The following TBL1X variants were observed in gnomAD, a reference collection of about 807,000 sequenced individuals.
TBL1X encodes the protein F-box-like/WD repeat-containing protein TBL1X.
A neutral mutation model predicts 50.7 loss-of-function variants in TBL1X; 10 were observed. The ratio of observed to expected loss-of-function variants is 0.20; its 90% CI spans 0.12 to 0.33. The LOEUF (loss-of-function observed/expected upper bound fraction) is 0.33. Ranked by LOEUF, TBL1X falls within the 10% of genes least tolerant of loss-of-function variation. The probability of loss-of-function intolerance (pLI) is 1.00; values close to 1 mark genes in which losing one functional copy is unlikely to be tolerated. For synonymous variants in TBL1X, 190 were observed against 214.7 expected (o/e 0.88, Z 1.01); for missense variants, 340 against 504.4 (o/e 0.67, Z 3.12).
At chrX:9,658,891 A>G (rs2082880369) in intron 5 of TBL1X, among the ~76,000 whole-genome samples, 2 of 111,846 alleles carry the variant, frequency 1.8e-5, no homozygotes, top group Admixed American at 9.4e-5. Context: ...TGCAGCCTCT[A>G]CCTCCCAAGC....
At chrX:9,541,933 T>C (rs2082216873) in intron 2 of TBL1X, among the ~76,000 whole-genome samples, 1 of 108,275 alleles carries the variant, frequency 9.2e-6, no homozygotes, top group Admixed American at 9.7e-5. Flanking sequence ...CTTTTTTCTT[T>C]TCTTTTTTCT....
intron 5 of TBL1X, among the ~76,000 whole-genome samples, chrX:9,666,915 T>C (rs2146612379): frequency 8.9e-6 from 1 of 112,304 alleles, no homozygotes; most frequent in East Asian, 2.8e-4. Flanking sequence ...TAAAATGTTA[T>C]AAGAAGGTAT....
At chrX:9,504,106 C>T (rs1282401968) in intron 2 of TBL1X, among the ~76,000 whole-genome samples, 1 of 111,429 alleles carries the variant, frequency 9.0e-6, no homozygotes, top group East Asian at 2.8e-4. Context: ...TTGCTGCTCT[C>T]CAGCATCCTT....
intron 2 of TBL1X, among the ~76,000 whole-genome samples, chrX:9,541,063 C>T (rs1056151119): frequency 9.0e-6 from 1 of 111,634 alleles, no homozygotes; most frequent in Non-Finnish European, 1.9e-5. Context: ...AAGGAGCCTG[C>T]AAATCAGACA....
At chrX:9,570,387 G>A (rs904232963) in intron 2 of TBL1X, among the ~76,000 whole-genome samples, 2 of 111,591 alleles carry the variant, frequency 1.8e-5, no homozygotes, top group South Asian at 3.8e-4. Flanking sequence ...TGGGGAGCGC[G>A]TACCCTCTTC....
intron 2 of TBL1X, among the ~76,000 whole-genome samples, chrX:9,599,132 C>T (rs913689616): frequency 5.5e-5 from 6 of 109,546 alleles, no homozygotes; most frequent in African/African-American, 1.0e-4. Flanking sequence ...TTAGTAGAGA[C>T]GGGGTTTCAC....
intron 2 of TBL1X, chrX:9,530,850 C>A (rs751404060): frequency 2.7e-5 from 3 of 111,768 alleles, no homozygotes; most frequent in African/African-American, 9.8e-5. Flanking sequence ...TTCCTCCCTC[C>A]CTCCATTACA....
chrX:9,474,754 G>A (rs1244008527), intron 1 of TBL1X, among the ~76,000 whole-genome samples: 2 of 112,888 alleles, frequency 1.8e-5, no homozygotes, highest in Non-Finnish European at 3.7e-5. Flanking sequence ...TCAGGGCTCT[G>A]GAGAATTAGG....
chrX:9,548,042 A>G (rs1450142320), intron 2 of TBL1X, among the ~76,000 whole-genome samples: 1 of 106,891 alleles, frequency 9.4e-6, no homozygotes, highest in East Asian at 2.9e-4. Flanking sequence ...CACCACCGCT[A>G]CCAAAGCAAT....
chrX:9,489,635 G>A (rs770045579), intron 1 of TBL1X, among the ~76,000 whole-genome samples: 2 of 111,472 alleles, frequency 1.8e-5, no homozygotes, highest in Non-Finnish European at 3.8e-5. Flanking sequence ...GGTATAGGAA[G>A]CCAAGATAAA....
At chrX:9,615,855 CCTT>C (rs1366957853) in intron 2 of TBL1X, among the ~76,000 whole-genome samples, 5 of 112,198 alleles carry the variant, frequency 4.5e-5, no homozygotes, top group African/African-American at 1.6e-4. Context: ...CTCTGTGAAT[CCTT>C]CTTCACTGCG....
chrX:9,540,036 T>G (rs2082207320), intron 2 of TBL1X, among the ~76,000 whole-genome samples: 1 of 112,309 alleles, frequency 8.9e-6, no homozygotes, highest in African/African-American at 3.2e-5. Context: ...TAGGTGGTAG[T>G]TATAATGCAG....
In TBL1X at chrX:9,698,256, C is replaced by T. The variant is rs145990088; in HGVS notation, c.1114+827C>T. Among the ~76,000 whole-genome samples the T allele has an allele frequency of 2.1e-3, 229 of 111,441 alleles. 1 individual carries two copies. Among genetic ancestry groups the T allele is most frequent in the African/African-American group, 6.7e-3 (206 of 30,626 alleles). The stretch of plus-strand genomic sequence containing the variant: ...CACAGCAGTGAGCCAGCCACAGAAG[C>T]AGTGCGGGCTCCTTTCTCTTGCTGT... On this transcript the variant is annotated intron_variant, in intron 12 of 17. Coordinates refer to ENST00000645353, the MANE Select transcript of TBL1X (RefSeq NM_005647.4).
At chrX:9,473,910 G>A (rs1308345958) in intron 1 of TBL1X, among the ~76,000 whole-genome samples, 1 of 112,621 alleles carries the variant, frequency 8.9e-6, no homozygotes, top group Non-Finnish European at 1.9e-5. Flanking sequence ...CCAGATGAGA[G>A]CAAGGAGAGA....
intron 6 of TBL1X, among the ~76,000 whole-genome samples, chrX:9,687,793 A>G (rs73478872): frequency 0.061 from 6,600 of 108,916 alleles, 496 homozygotes; most frequent in African/African-American, 0.21. Flanking sequence ...CAACCATCAC[A>G]CTTAGTTCTT....
chrX:9,713,421 C>CTTTTTTTTTTTTTTTTTTTTTTTTTTT (rs757107084), intron 16 of TBL1X, among the ~76,000 whole-genome samples: 1 of 87,570 alleles, frequency 1.1e-5, no homozygotes, highest in Non-Finnish European at 2.1e-5. Context: ...ATCCTTAGGA[C>CTTTTTTTTTTTTTTTTTTTTTTTTTTT]TTTTCTTTTT....
At chrX:9,526,939 G>T (rs961658018) in intron 2 of TBL1X, among the ~76,000 whole-genome samples, 1 of 111,592 alleles carries the variant, frequency 9.0e-6, no homozygotes, top group Non-Finnish European at 1.9e-5. Flanking sequence ...CCCTGTCATG[G>T]GAATTGTGAT....
intron 13 of TBL1X, among the ~76,000 whole-genome samples, chrX:9,709,012 G>A (rs1265496201): frequency 1.8e-5 from 2 of 112,092 alleles, no homozygotes; most frequent in African/African-American, 3.3e-5. Flanking sequence ...TCTTAATGAA[G>A]TATGGATGAG....
intron 2 of TBL1X, among the ~76,000 whole-genome samples, chrX:9,553,503 C>T (rs1191966294): frequency 8.9e-6 from 1 of 111,856 alleles, no homozygotes; most frequent in Non-Finnish European, 1.9e-5. Context: ...ACAGGAAACG[C>T]AGACAGTGGG....
Sources: allele counts gnomAD v4.1 joint callset (sites outside exome capture counted in the v4.1 genomes callset), GRCh38; gene constraint gnomAD v4.1.1; transcripts MANE v1.5; gene names NCBI Gene and HGNC (gene_info 2026-07-23, HGNC 2026-07-21).